Variants in KCNN2 observed in about 807,000 individuals in gnomAD.
KCNN2 encodes potassium calcium-activated channel subfamily N member 2, also known as small conductance calcium-activated potassium channel protein 2.
Under a neutral mutation model 55.5 loss-of-function variants are expected in KCNN2, and 24 were observed. The ratio of observed to expected loss-of-function variants is 0.43; its 90% CI spans 0.31 to 0.61. KCNN2 has a LOEUF of 0.61. Among genes scored for constraint, KCNN2 ranks in the 20% least tolerant of loss-of-function variants. The probability of loss-of-function intolerance (pLI) is 0.08; values close to 1 mark genes in which losing one functional copy is unlikely to be tolerated. For synonymous variants in KCNN2, 431 were observed against 336.1 expected, an observed-to-expected ratio of 1.28 and a Z score of -3.09; for missense variants, 754 against 853.6, an observed-to-expected ratio of 0.88 and a Z score of 1.45.
chr5:114,208,751 G>A (rs992117095), intron 1 of KCNN2, among the ~76,000 whole-genome samples: 5 of 152,100 alleles, frequency 3.3e-5, no homozygotes, highest in African/African-American at 4.8e-5. Context: ...CACTTAATAC[G>A]CTGCAGGGCA....
At chr5:114,247,313 T>C (rs532309521) in intron 2 of KCNN2, among the ~76,000 whole-genome samples, 1 of 151,912 alleles carries the variant, frequency 6.6e-6, no homozygotes, top group African/African-American at 2.4e-5. Flanking sequence ...ACATGCTGGC[T>C]CCTTATTTGT....
chr5:114,491,547 A>C (rs1747858852), intron 6 of KCNN2, among the ~76,000 whole-genome samples: 1 of 151,000 alleles, frequency 6.6e-6, no homozygotes, highest in African/African-American at 2.4e-5. Flanking sequence ...AAAAAAAAAA[A>C]AGCAGGTGTT....
chr5:114,262,376 A>G (rs1308885668), intron 2 of KCNN2, among the ~76,000 whole-genome samples: 1 of 152,228 alleles, frequency 6.6e-6, no homozygotes, highest in African/African-American at 2.4e-5. Context: ...GTTTTGGTTC[A>G]TTAAAGCAAA....
chr5:114,134,419 A>T (rs1229167891), intron 1 of KCNN2, among the ~76,000 whole-genome samples: 1 of 151,584 alleles, frequency 6.6e-6, no homozygotes, highest in Admixed American at 6.6e-5. Flanking sequence ...TAAATTTAAG[A>T]ACCTATTTTG....
chr5:114,129,002 A>G (rs1037741369), intron 1 of KCNN2, among the ~76,000 whole-genome samples: 1 of 152,218 alleles, frequency 6.6e-6, no homozygotes, highest in Non-Finnish European at 1.5e-5. Flanking sequence ...TCAAATTAGG[A>G]TAATTATAGG....
chr5:114,358,558 A>C (rs1428469721), upstream of KCNN2, among the ~76,000 whole-genome samples: 1 of 152,168 alleles, frequency 6.6e-6, no homozygotes, highest in Non-Finnish European at 1.5e-5. Flanking sequence ...ATCTAGGGAA[A>C]TTCTCTCACT....
At chr5:114,088,157 T>G (rs948951860) in intron 1 of KCNN2, among the ~76,000 whole-genome samples, 1 of 152,124 alleles carries the variant, frequency 6.6e-6, no homozygotes. Flanking sequence ...AAATATAGAT[T>G]TATAGTTTTT....
intron 2 of KCNN2, among the ~76,000 whole-genome samples, chr5:114,295,550 GA>G (rs924919795): frequency 5.9e-5 from 9 of 152,260 alleles, no homozygotes; most frequent in African/African-American, 1.9e-4. Context: ...AAGCCTATTG[GA>G]AAAGCGCAGT....
At chr5:114,177,285 C>T (rs1219744569) in intron 1 of KCNN2, among the ~76,000 whole-genome samples, 1 of 151,906 alleles carries the variant, frequency 6.6e-6, no homozygotes, top group Admixed American at 6.6e-5. Context: ...CTACAGGAGC[C>T]CGCCACCGCG....
chr5:114,374,344 G>A (rs1323311038), intron 2 of KCNN2, among the ~76,000 whole-genome samples: 3 of 152,188 alleles, frequency 2.0e-5, no homozygotes, highest in Non-Finnish European at 4.4e-5. Context: ...GTAGTAAACA[G>A]CCTAAGGCAT....
At chr5:114,353,911 G>C (rs906790868) in intron 2 of KCNN2, among the ~76,000 whole-genome samples, 1 of 151,784 alleles carries the variant, frequency 6.6e-6, no homozygotes, top group Admixed American at 6.6e-5. Flanking sequence ...GATTGCTTTA[G>C]TTTATCCTAA....
In KCNN2 at chr5:114,155,794, GC is replaced by G. The variant is rs1486134412; in HGVS notation, c.-270-65685del. Among the ~76,000 whole-genome samples, 30 of 152,260 alleles carry G rather than the reference GC, an allele frequency of 2.0e-4. No individual in the cohort carries two copies. In the East Asian group the frequency reaches 5.8e-3, roughly 29 times the overall value. On this transcript the variant is annotated intron_variant, in intron 1 of 10. Transcript: ENST00000512097. The stretch of plus-strand genomic sequence containing the variant: ...GCTGGATATTAGACCTTTGTCAGAT[GC>G]ATAGTTTGCAAAAATTTTCTCGCAT...
At chr5:114,170,789 T>C (rs1033324923) in intron 1 of KCNN2, among the ~76,000 whole-genome samples, 9 of 152,048 alleles carry the variant, frequency 5.9e-5, no homozygotes, top group Admixed American at 5.3e-4. Flanking sequence ...GCTTTATATA[T>C]CTTTCAGTGC....
chr5:114,081,556 G>A (rs143837206), intron 1 of KCNN2, among the ~76,000 whole-genome samples: 3 of 152,282 alleles, frequency 2.0e-5, no homozygotes, highest in Admixed American at 6.5e-5. Context: ...AAAAGATGCC[G>A]GAAAAGTTGT....
At chr5:114,161,705 A>T (rs529572379) in intron 1 of KCNN2, among the ~76,000 whole-genome samples, 3 of 152,114 alleles carry the variant, frequency 2.0e-5, no homozygotes, top group South Asian at 4.2e-4. Context: ...TAATTTCTCC[A>T]TATTCTTTTT....
At chr5:114,228,016 GATGATGATGATGATGAA>G in intron 2 of KCNN2, among the ~76,000 whole-genome samples, 1 of 34,978 alleles carries the variant, frequency 2.9e-5, no homozygotes, top group East Asian at 1.3e-3. Context: ...TGATGATGAT[GATGATGATGATGATGAA>G]AGAAGAAGGA....
intron 2 of KCNN2, among the ~76,000 whole-genome samples, chr5:114,266,637 G>C (rs1755211621): frequency 6.6e-6 from 1 of 152,162 alleles, no homozygotes; most frequent in African/African-American, 2.4e-5. Context: ...CCAAGCCACA[G>C]TTACTGTTCC....
At chr5:114,156,142 C>G (rs1260084713) in intron 1 of KCNN2, among the ~76,000 whole-genome samples, 4 of 152,072 alleles carry the variant, frequency 2.6e-5, no homozygotes, top group Non-Finnish European at 5.9e-5. Context: ...AATAGGGAAT[C>G]TTTTGCCATT....
rs374479007 is a variant in KCNN2, at chr5:114,213,127, T to C, written c.-270-8353T>C. On this transcript the variant is annotated intron_variant, in intron 1 of 10. Transcript: ENST00000512097. ...TTTGGTCCTCTAGCTCTCAAGGCCA[T>C]TAGAAATTCCTTTGTCTCCATAGTT... 3.2e-4 allele frequency among the ~76,000 whole-genome samples: 48 copies of C among 152,076 alleles called. 2 individuals are homozygous for C. The highest frequency in any genetic ancestry group is 3.1e-3 in the East Asian group (16 of 5,192).
Sources: allele counts gnomAD v4.1 joint callset (sites outside exome capture counted in the v4.1 genomes callset), GRCh38; gene constraint gnomAD v4.1.1; transcripts MANE v1.5; gene names NCBI Gene and HGNC (gene_info 2026-07-23, HGNC 2026-07-21).